Variants in TENM3 observed in about 807,000 individuals in gnomAD.
TENM3 encodes teneurin transmembrane protein 3, also known as teneurin-3.
Under a neutral mutation model 255.1 loss-of-function variants are expected in TENM3, and 63 were observed. That is an observed-to-expected ratio of 0.25 (90% confidence interval 0.20 to 0.30). The LOEUF (loss-of-function observed/expected upper bound fraction) is 0.30. TENM3 is among the 10% of genes least tolerant of loss of function. The probability of loss-of-function intolerance (pLI) is 1.00; values close to 1 mark genes in which losing one functional copy is unlikely to be tolerated. For synonymous variants in TENM3, 1,306 were observed against 1,322.3 expected (o/e 0.99, Z 0.27); for missense variants, 2,929 against 3,461.1 (o/e 0.85, Z 3.86).
In TENM3 at chr4:182,754,472, A is replaced by T; in HGVS notation, c.4105A>T (p.Thr1369Ser). The change falls in exon 22 of 28, where the codon ACT (threonine) becomes TCT (serine). Residue 1369 changes from threonine to serine, a missense_variant. Thr to Ser is a moderately conservative substitution (Grantham distance 58). Around this residue, in one of 6 missense-constraint regions of TENM3, gnomAD observed 1,608 missense variants for 1,884.4 expected, o/e 0.85. Transcript: ENST00000511685. This position sits in a 1 kb window ranked among gnomAD's most constrained non-coding sequence, Gnocchi z 5.1. ...VLDNNVVLQITENRQVRIAAG... is the reference protein window; with the variant it reads ...VLDNNVVLQISENRQVRIAAG... ...GGATAATAATGTAGTTTTACAGATC[A>T]CTGAAAATCGTCAAGTTCGCATTGC... 2.5e-6 allele frequency: 4 copies of T among 1,612,998 alleles called. No individual in the cohort carries two copies. The highest frequency in any genetic ancestry group is 3.4e-6 in the Non-Finnish European group (4 of 1,179,440).
the TENM3 span, among the ~76,000 whole-genome samples, chr4:181,858,114 G>T: frequency 6.6e-6 from 1 of 152,164 alleles, no homozygotes; most frequent in African/African-American, 2.4e-5. Context: ...TGTATATTAT[G>T]TTGAGACAGG....
the TENM3 span, among the ~76,000 whole-genome samples, chr4:181,645,756 A>C: frequency 0.016 from 2,490 of 152,272 alleles, 60 homozygotes; most frequent in African/African-American, 0.057. Context: ...GGAAGACTGG[A>C]AGACTGCCAA....
At chr4:181,576,114 C>T in the TENM3 span, among the ~76,000 whole-genome samples, 1 of 152,162 alleles carries the variant, frequency 6.6e-6, no homozygotes, top group Non-Finnish European at 1.5e-5. Context: ...CCTACCCCTA[C>T]CCTTCCTAGT....
chr4:182,472,475 CATTGATAACAGAAA>C (rs1733217929), intron 3 of TENM3, among the ~76,000 whole-genome samples: 1 of 152,106 alleles, frequency 6.6e-6, no homozygotes, highest in Non-Finnish European at 1.5e-5. Flanking sequence ...AGGTTTAATT[CATTGATAACAGAAA>C]ATGTGGCTTG....
At chr4:181,664,449 G>A in the TENM3 span, among the ~76,000 whole-genome samples, 3 of 148,438 alleles carry the variant, frequency 2.0e-5, no homozygotes, top group African/African-American at 7.6e-5. Flanking sequence ...CAGCCTGGGC[G>A]ACAAGAGCGA....
chr4:182,688,227 A>G lies in TENM3; in HGVS notation c.2097A>G (p.Glu699=). 1 of 1,613,918 alleles carries G rather than the reference A, an allele frequency of 6.2e-7. No individual in the cohort carries two copies. The highest frequency in any genetic ancestry group is 8.5e-7 in the Non-Finnish European group (1 of 1,179,870). ...GCATGGGGGGGACGTGTCGCTGTGA[A>G]GAAGGCTGGACGGGCCCAGCCTGTA... The part of the protein sequence containing the change: ...GVCMGGTCRC[E]EGWTGPACNQ... The change falls in exon 12 of 28, where the codon GAA becomes GAG. Residue 699 remains glutamate (E), a synonymous_variant. Transcript: ENST00000511685.
At chr4:181,620,482 G>T in the TENM3 span, among the ~76,000 whole-genome samples, 85 of 151,936 alleles carry the variant, frequency 5.6e-4, no homozygotes, top group Middle Eastern at 0.014. Context: ...TTTGGCTCTG[G>T]GTTGAAAAAT....
At chr4:182,742,873 A>C (rs1761714171) in intron 18 of TENM3, among the ~76,000 whole-genome samples, 1 of 152,214 alleles carries the variant, frequency 6.6e-6, no homozygotes, top group African/African-American at 2.4e-5. Flanking sequence ...GCCATGACTG[A>C]TCATCACTGA....
At chr4:182,582,113 A>G (rs1179814166) in intron 3 of TENM3, among the ~76,000 whole-genome samples, 1 of 152,164 alleles carries the variant, frequency 6.6e-6, no homozygotes, top group Admixed American at 6.5e-5. Flanking sequence ...TTCTGCTATC[A>G]CGGCTGGACT....
At chr4:182,008,258 C>A in the TENM3 span, among the ~76,000 whole-genome samples, 1 of 151,322 alleles carries the variant, frequency 6.6e-6, no homozygotes, top group African/African-American at 2.4e-5. Context: ...CCTGAATTTG[C>A]AAAATTTCCT....
intron 1 of TENM3, among the ~76,000 whole-genome samples, chr4:182,161,644 T>C (rs1178406287): frequency 4.3e-5 from 5 of 116,436 alleles, no homozygotes; most frequent in African/African-American, 1.7e-4. Context: ...TATATGTATA[T>C]ATATATATAC....
Position 182,800,380 on chromosome 4 carries a change from A to G in TENM3, c.*29A>G, listed in dbSNP as rs779701972. 1 of 1,534,990 alleles carries G rather than the reference A, an allele frequency of 6.5e-7. No individual in the cohort carries two copies. The highest frequency in any genetic ancestry group is 1.2e-5 in the South Asian group (1 of 83,104). ...CCGGGCCGCGCCCGCCGAGCCGCTC[A>G]CGCCCTGCCCACATTGTCCTGTGGC... On this transcript the variant is annotated 3_prime_UTR_variant, in exon 28 of 28. Transcript: ENST00000511685.
chr4:181,518,879 C>T, the TENM3 span, among the ~76,000 whole-genome samples: 2 of 152,112 alleles, frequency 1.3e-5, no homozygotes, highest in Non-Finnish European at 2.9e-5. Flanking sequence ...ATCCAAGGTA[C>T]CAGTTACGTA....
chr4:181,654,203 CT>C, the TENM3 span, among the ~76,000 whole-genome samples: 2 of 150,278 alleles, frequency 1.3e-5, no homozygotes, highest in African/African-American at 4.9e-5. Flanking sequence ...TGCGATAAAC[CT>C]TCCTCTGATT....
At chr4:181,583,803 T>G in the TENM3 span, among the ~76,000 whole-genome samples, 1 of 152,228 alleles carries the variant, frequency 6.6e-6, no homozygotes, top group Non-Finnish European at 1.5e-5. Flanking sequence ...GTCTATGTAA[T>G]TCTAATAATA....
the TENM3 span, among the ~76,000 whole-genome samples, chr4:181,550,982 T>C: frequency 1.3e-5 from 2 of 152,194 alleles, no homozygotes; most frequent in Non-Finnish European, 2.9e-5. Context: ...AGATGATTAG[T>C]GCTATTAAAT....
the TENM3 span, among the ~76,000 whole-genome samples, chr4:181,819,837 G>T: frequency 6.6e-6 from 1 of 152,146 alleles, no homozygotes; most frequent in African/African-American, 2.4e-5. Context: ...CCAGTAGGTA[G>T]CAGGCTGGAG....
the TENM3 span, among the ~76,000 whole-genome samples, chr4:181,651,255 G>C: frequency 2.6e-5 from 4 of 152,194 alleles, no homozygotes; most frequent in Non-Finnish European, 5.9e-5. Flanking sequence ...AGCCTAAATA[G>C]GCATGTCATT....
At chr4:181,474,603 C>T in the TENM3 span, among the ~76,000 whole-genome samples, 1 of 151,816 alleles carries the variant, frequency 6.6e-6, no homozygotes. Flanking sequence ...GGTGTGGTGG[C>T]GGGCGCCTGT....
Sources: allele counts gnomAD v4.1 joint callset (sites outside exome capture counted in the v4.1 genomes callset), GRCh38; gene constraint gnomAD v4.1.1; regional missense constraint gnomAD v4.1.1; non-coding constraint Gnocchi (gnomAD v3.1); transcripts MANE v1.5; gene names NCBI Gene and HGNC (gene_info 2026-07-23, HGNC 2026-07-21).